TCF4: variants seen among roughly 807,000 people sequenced by gnomAD.
The protein encoded by TCF4 is SL3-3 enhancer factor 2.
TCF4 carries 3 observed loss-of-function variants against 82.1 expected under a neutral mutation model. That is an observed-to-expected ratio of 0.04 (90% CI 0.02 to 0.09). The LOEUF (loss-of-function observed/expected upper bound fraction) is 0.09, where lower values mean the gene tolerates loss of function less well. Among genes scored for constraint, TCF4 ranks in the 10% least tolerant of loss-of-function variants. TCF4 has a pLI of 1.00. For synonymous variants in TCF4, 276 were observed against 309.6 expected, an observed-to-expected ratio of 0.89 and a Z score of 1.14; for missense variants, 518 against 852.7, an observed-to-expected ratio of 0.61 and a Z score of 4.89.
chr18:55,481,103 C>CAAAA (rs74180501), intron 3 of TCF4, among the ~76,000 whole-genome samples: 5 of 80,550 alleles, frequency 6.2e-5, no homozygotes, highest in Non-Finnish European at 9.1e-5. Context: ...GACTCCATCT[C>CAAAA]AAAAAAAAAA....
chr18:55,585,648 A>G, intron 2 of TCF4: 1 of 652,932 alleles, frequency 1.5e-6, no homozygotes, highest in Non-Finnish European at 2.2e-6. Flanking sequence ...TTCAGGTTGG[A>G]GGCCAGCAGC....
chr18:55,506,703 A>G (rs2096764183), intron 3 of TCF4, among the ~76,000 whole-genome samples: 1 of 152,224 alleles, frequency 6.6e-6, no homozygotes, highest in South Asian at 2.1e-4. Flanking sequence ...AACCTCAGAT[A>G]GCACAAAATT....
In TCF4 at chr18:55,572,851, C is replaced by T. The variant is rs1603623896; in HGVS notation, c.145+12429G>A. Among the ~76,000 whole-genome samples the T allele has an allele frequency of 3.9e-5, 6 of 152,132 alleles. 1 individual carries two copies. The South Asian group carries it at 1.3e-3, about 32-fold the overall frequency. On this transcript the variant is annotated intron_variant, in intron 3 of 19. Coordinates refer to ENST00000354452, the MANE Select transcript of TCF4 (RefSeq NM_001083962.2). ...GGCAGATCACCTGAGGTCGGGAGTT[C>T]GAGACCAGTCTGACCAACACGGAGA...
At chr18:55,363,832 T>C (rs920996922) in intron 6 of TCF4, among the ~76,000 whole-genome samples, 1 of 151,858 alleles carries the variant, frequency 6.6e-6, no homozygotes, top group Non-Finnish European at 1.5e-5. Flanking sequence ...TAAATAAAAA[T>C]AAATGAAAAC....
Position 55,411,161 on chromosome 18 carries a change from G to A in TCF4, c.305-7643C>T, listed in dbSNP as rs963539960. ...CAAATAACTCTTTAAGGCCACTAAAGTACCACTTGAACCACCAAAGTAATG... is the reference window on the plus strand; with the variant it reads ...CAAATAACTCTTTAAGGCCACTAAAATACCACTTGAACCACCAAAGTAATG... On this transcript the variant is annotated intron_variant, in intron 5 of 19. Coordinates refer to ENST00000354452, the MANE Select transcript of TCF4 (RefSeq NM_001083962.2). 4.6e-5 allele frequency among the ~76,000 whole-genome samples: 7 copies of A among 152,132 alleles called. No individual in the cohort carries two copies. In the East Asian group the frequency reaches 1.2e-3, roughly 25 times the overall value.
intron 3 of TCF4, among the ~76,000 whole-genome samples, chr18:55,528,338 C>T (rs2146652337): frequency 6.6e-6 from 1 of 152,286 alleles, no homozygotes; most frequent in Admixed American, 6.5e-5. Flanking sequence ...TCTAGAACTT[C>T]ACCCTTCACA....
intron 3 of TCF4, among the ~76,000 whole-genome samples, chr18:55,519,292 T>C (rs2146457071): frequency 6.6e-6 from 1 of 151,858 alleles, no homozygotes; most frequent in East Asian, 1.9e-4. Flanking sequence ...AAATTAGCCA[T>C]GCATGGTGGC....
chr18:55,455,767 T>C (rs567988923), intron 5 of TCF4, among the ~76,000 whole-genome samples: 8 of 152,330 alleles, frequency 5.3e-5, no homozygotes, highest in Middle Eastern at 6.8e-3. Context: ...TTTCTAATAC[T>C]CACACTTCTG....
intron 6 of TCF4, among the ~76,000 whole-genome samples, chr18:55,398,895 C>G (rs949427505): frequency 6.6e-6 from 1 of 152,144 alleles, no homozygotes; most frequent in African/African-American, 2.4e-5. Context: ...TTAAAAAGCA[C>G]GATGAAGACA....
At chr18:55,477,038 A>C (rs1016235315) in intron 3 of TCF4, among the ~76,000 whole-genome samples, 13 of 152,190 alleles carry the variant, frequency 8.5e-5, no homozygotes, top group African/African-American at 3.1e-4. Flanking sequence ...AACAGTTCCC[A>C]TATGTTACAA....
intron 3 of TCF4, among the ~76,000 whole-genome samples, chr18:55,582,111 A>G (rs2097580610): frequency 6.6e-6 from 1 of 152,136 alleles, no homozygotes; most frequent in Non-Finnish European, 1.5e-5. Context: ...CACAAGAGTC[A>G]AAAGTAACCA....
chr18:55,420,277 T>A (rs1369624805), intron 5 of TCF4, among the ~76,000 whole-genome samples: 2 of 152,058 alleles, frequency 1.3e-5, no homozygotes, highest in Non-Finnish European at 2.9e-5. Flanking sequence ...GCTCAAGAAA[T>A]AATTCATGAA....
chr18:55,453,411 G>A (rs1282191824), intron 5 of TCF4, among the ~76,000 whole-genome samples: 1 of 152,198 alleles, frequency 6.6e-6, no homozygotes, highest in African/African-American at 2.4e-5. Flanking sequence ...CGAAGCAAAA[G>A]CATTCCTACC....
At chr18:55,546,320 CAG>C (rs140289944) in intron 3 of TCF4, among the ~76,000 whole-genome samples, 3,722 of 152,044 alleles carry the variant, frequency 0.024, 142 homozygotes, top group African/African-American at 0.082. Context: ...GCCTGGGCAA[CAG>C]AGAGAGACCC....
chr18:55,508,083 T>G (rs2096783378), intron 3 of TCF4, among the ~76,000 whole-genome samples: 2 of 152,026 alleles, frequency 1.3e-5, no homozygotes. Flanking sequence ...CCAGCAGCAG[T>G]GGAAAAAGGC....
chr18:55,549,978 C>G (rs1417928949), intron 3 of TCF4, among the ~76,000 whole-genome samples: 3 of 152,132 alleles, frequency 2.0e-5, no homozygotes, highest in Non-Finnish European at 4.4e-5. Context: ...CTAGCATGAC[C>G]AATACGGTAA....
At chr18:55,267,340 C>T (rs968653716) in intron 11 of TCF4, 1 of 152,030 alleles carries the variant, frequency 6.6e-6, no homozygotes, top group Admixed American at 6.6e-5. Flanking sequence ...GCAGATGTAT[C>T]CTATTAATCC....
intron 3 of TCF4, among the ~76,000 whole-genome samples, chr18:55,472,797 TA>T (rs576635822): frequency 1.3e-4 from 20 of 152,162 alleles, no homozygotes; most frequent in Non-Finnish European, 2.4e-4. Flanking sequence ...AGTTTCAAAG[TA>T]CTTAAATAAA....
chr18:55,401,772 C>T (rs1319812226), intron 6 of TCF4: 3 of 985,734 alleles, frequency 3.0e-6, no homozygotes, highest in Non-Finnish European at 3.6e-6. Context: ...GGAATCACGC[C>T]AATTCCTATT....
Sources: allele counts gnomAD v4.1 joint callset (sites outside exome capture counted in the v4.1 genomes callset), GRCh38; gene constraint gnomAD v4.1.1; transcripts MANE v1.5; gene names NCBI Gene and HGNC (gene_info 2026-07-23, HGNC 2026-07-21).